ACOXL: variants seen among roughly 807,000 people sequenced by gnomAD.
ACOXL encodes acyl-coenzyme A oxidase-like protein.
A neutral mutation model predicts 71.9 loss-of-function variants in ACOXL; 70 were observed. The observed-to-expected ratio is 0.97, with a 90% CI of 0.80 to 1.19. The LOEUF (loss-of-function observed/expected upper bound fraction) is 1.19, where lower values mean the gene tolerates loss of function less well. Ranked by LOEUF, ACOXL falls within the 50% of genes most tolerant of loss-of-function variation. The pLI, the probability that ACOXL is intolerant of heterozygous loss-of-function variation, is 0.00. For synonymous variants in ACOXL, 253 were observed against 281.6 expected (o/e 0.90, Z 1.02); for missense variants, 703 against 736.3 (o/e 0.95, Z 0.52).
intron 1 of ACOXL, among the ~76,000 whole-genome samples, chr2:110,756,821 A>G (rs1443161006): frequency 6.6e-6 from 1 of 152,106 alleles, no homozygotes; most frequent in Non-Finnish European, 1.5e-5. Flanking sequence ...GTTTTGCACA[A>G]TTTGAGTTAC....
intron 14 of ACOXL, among the ~76,000 whole-genome samples, chr2:111,026,538 T>G (rs1474215066): frequency 6.7e-6 from 1 of 149,992 alleles, no homozygotes; most frequent in Non-Finnish European, 1.5e-5. Flanking sequence ...ATATAAAATA[T>G]ATTTTATAAA....
intron 12 of ACOXL, among the ~76,000 whole-genome samples, chr2:110,935,580 G>T (rs539287785): frequency 6.6e-6 from 1 of 152,130 alleles, no homozygotes; most frequent in African/African-American, 2.4e-5. Flanking sequence ...TAGAGAAGAC[G>T]CAGTCCATGC....
At chr2:110,940,281 CTTGCTA>C (rs922063911) in intron 12 of ACOXL, among the ~76,000 whole-genome samples, 1 of 152,144 alleles carries the variant, frequency 6.6e-6, no homozygotes, top group Non-Finnish European at 1.5e-5. Flanking sequence ...CAGAAAGGGT[CTTGCTA>C]TATATAGTTG....
At position 110,882,831 on chromosome 2, in the gene ACOXL, A is replaced by G. The variant is rs555741724; in HGVS notation, c.789-25958A>G. ...TCAGTTTTCTCTTTGTTTTAGGTCAATTTTGATAGTGCATATTTCTCAGAA... is the reference window on the plus strand; with the variant it reads ...TCAGTTTTCTCTTTGTTTTAGGTCAGTTTTGATAGTGCATATTTCTCAGAA... On this transcript the variant is annotated intron_variant, in intron 10 of 17. Transcript: ENST00000439055. Among the ~76,000 whole-genome samples, 53 of 152,272 alleles carry G rather than the reference A, an allele frequency of 3.5e-4. No homozygotes were observed. In the South Asian group the frequency reaches 0.011, roughly 30 times the overall value.
At chr2:110,927,699 A>T (rs1263101686) in intron 11 of ACOXL, among the ~76,000 whole-genome samples, 1 of 152,216 alleles carries the variant, frequency 6.6e-6, no homozygotes, top group East Asian at 1.9e-4. Flanking sequence ...TGAGCACAGA[A>T]GTTGCGAATC....
chr2:110,902,615 G>T (rs17041616), intron 10 of ACOXL, among the ~76,000 whole-genome samples: 1,636 of 152,326 alleles, frequency 0.011, 15 homozygotes, highest in Middle Eastern at 0.058. Flanking sequence ...CTGAAGATCA[G>T]GGTGTCTGAC....
chr2:110,954,782 C>T (rs1239242432), intron 12 of ACOXL, among the ~76,000 whole-genome samples: 6 of 147,578 alleles, frequency 4.1e-5, no homozygotes, highest in African/African-American at 1.5e-4. Flanking sequence ...TAGTCATTTC[C>T]TGGTTTCTGG....
At chr2:110,793,444 G>C (rs1219712173) in intron 3 of ACOXL, among the ~76,000 whole-genome samples, 1 of 152,180 alleles carries the variant, frequency 6.6e-6, no homozygotes, top group Non-Finnish European at 1.5e-5. Flanking sequence ...TGTCAGTCCT[G>C]AGCGACTCAT....
intron 17 of ACOXL, chr2:111,102,013 C>T (rs566805643): frequency 2.0e-5 from 3 of 152,794 alleles, no homozygotes; most frequent in African/African-American, 7.2e-5. Context: ...CTCTTGGAGA[C>T]AGCAGGGACC....
chr2:111,039,881 A>G (rs17483466), intron 15 of ACOXL, among the ~76,000 whole-genome samples: 23,214 of 152,262 alleles, frequency 0.15, 2,150 homozygotes, highest in Middle Eastern at 0.22. Context: ...GTTAGTCTGG[A>G]AAACATAACA....
chr2:111,032,405 G>C (rs2065319815), intron 15 of ACOXL, among the ~76,000 whole-genome samples: 1 of 152,146 alleles, frequency 6.6e-6, no homozygotes, highest in African/African-American at 2.4e-5. Context: ...TGAGAAACTT[G>C]AGTATTCATT....
chr2:111,060,342 C>G (rs1470341218), intron 16 of ACOXL, among the ~76,000 whole-genome samples: 2 of 152,142 alleles, frequency 1.3e-5, no homozygotes, highest in Non-Finnish European at 1.5e-5. Context: ...AGGCCACCCC[C>G]TGGTAGCGTC....
chr2:110,749,321 T>C (rs781537893), intron 1 of ACOXL, among the ~76,000 whole-genome samples: 4 of 152,270 alleles, frequency 2.6e-5, no homozygotes, highest in Non-Finnish European at 4.4e-5. Context: ...TATTTTGCAA[T>C]AATTTTCAGT....
intron 16 of ACOXL, among the ~76,000 whole-genome samples, chr2:111,071,067 C>T (rs898796573): frequency 3.9e-5 from 6 of 152,194 alleles, no homozygotes; most frequent in African/African-American, 9.6e-5. Context: ...CCCCAGAGCA[C>T]TTGGCTACCA....
intron 9 of ACOXL, among the ~76,000 whole-genome samples, chr2:110,823,322 T>C (rs2105539831): frequency 6.6e-6 from 1 of 152,298 alleles, no homozygotes; most frequent in South Asian, 2.1e-4. Flanking sequence ...TGCTGAATAG[T>C]ATTCCACTGT....
chr2:111,116,916 G>A (rs1484865815), intron 17 of ACOXL, among the ~76,000 whole-genome samples: 1 of 152,152 alleles, frequency 6.6e-6, no homozygotes, highest in Non-Finnish European at 1.5e-5. Context: ...TCTCCTATCC[G>A]CCGGGAATGT....
At chr2:110,951,748 C>A (rs1157339946) in intron 12 of ACOXL, among the ~76,000 whole-genome samples, 1 of 152,056 alleles carries the variant, frequency 6.6e-6, no homozygotes, top group African/African-American at 2.4e-5. Context: ...TGCACATTTT[C>A]TTCCTTTTAA....
chr2:110,755,711 A>C (rs1331964408), intron 1 of ACOXL, among the ~76,000 whole-genome samples: 1 of 152,186 alleles, frequency 6.6e-6, no homozygotes, highest in Non-Finnish European at 1.5e-5. Context: ...TACTCCATCT[A>C]GTGGTTCTTT....
chr2:110,922,260 A>G (rs1475574292), intron 11 of ACOXL, among the ~76,000 whole-genome samples: 1 of 152,216 alleles, frequency 6.6e-6, no homozygotes, highest in Admixed American at 6.5e-5. Flanking sequence ...GCTTCCTAGC[A>G]TGACCTGGAA....
Sources: allele counts gnomAD v4.1 joint callset (sites outside exome capture counted in the v4.1 genomes callset), GRCh38; gene constraint gnomAD v4.1.1; transcripts MANE v1.5; gene names NCBI Gene and HGNC (gene_info 2026-07-23, HGNC 2026-07-21).